SORCS1: variants seen among roughly 807,000 people sequenced by gnomAD.
SORCS1 encodes VPS10 domain-containing receptor SorCS1.
SORCS1 carries 60 observed loss-of-function variants against 146.1 expected under a neutral mutation model. That is an observed-to-expected ratio of 0.41 (90% CI 0.33 to 0.51). The LOEUF (loss-of-function observed/expected upper bound fraction) is 0.51. Among genes scored for constraint, SORCS1 ranks in the 20% least tolerant of loss-of-function variants. The probability of loss-of-function intolerance (pLI) is 0.21; values close to 1 mark genes in which losing one functional copy is unlikely to be tolerated. For synonymous variants in SORCS1, 637 were observed against 584.0 expected (o/e 1.09, Z -1.31); for missense variants, 1,352 against 1,487.6 (o/e 0.91, Z 1.50).
intron 1 of SORCS1, among the ~76,000 whole-genome samples, chr10:107,012,630 G>A (rs931458911): frequency 4.6e-5 from 7 of 152,116 alleles, no homozygotes; most frequent in African/African-American, 1.7e-4. Context: ...CATAGAACTA[G>A]CTCATGGAAC....
At chr10:106,634,660 G>A (rs1294936508) in intron 18 of SORCS1, among the ~76,000 whole-genome samples, 1 of 152,064 alleles carries the variant, frequency 6.6e-6, no homozygotes, top group Non-Finnish European at 1.5e-5. Context: ...TGTATTCCTG[G>A]CTTTGACTCT....
chr10:107,081,711 A>G (rs1199680717), intron 1 of SORCS1, among the ~76,000 whole-genome samples: 1 of 152,248 alleles, frequency 6.6e-6, no homozygotes, highest in African/African-American at 2.4e-5. Flanking sequence ...CATGATCAGA[A>G]GAAAAAAGAA....
intron 1 of SORCS1, among the ~76,000 whole-genome samples, chr10:107,134,278 A>T (rs1967090273): frequency 6.6e-6 from 1 of 152,310 alleles, no homozygotes; most frequent in South Asian, 2.1e-4. Context: ...TTTAAACTTT[A>T]CGCTTTTAAC....
chr10:106,779,022 T>G (rs952410421), intron 3 of SORCS1, among the ~76,000 whole-genome samples: 1 of 152,174 alleles, frequency 6.6e-6, no homozygotes, highest in African/African-American at 2.4e-5. Context: ...CTGTATCAGG[T>G]AATATTGGGT....
intron 1 of SORCS1, among the ~76,000 whole-genome samples, chr10:107,053,600 G>A (rs562254523): frequency 6.6e-6 from 1 of 152,178 alleles, no homozygotes; most frequent in African/African-American, 2.4e-5. Context: ...TACAATATTT[G>A]AAACTCACAT....
chr10:107,138,392 A>T (rs1489251753), intron 1 of SORCS1, among the ~76,000 whole-genome samples: 2 of 152,186 alleles, frequency 1.3e-5, no homozygotes, highest in Non-Finnish European at 2.9e-5. Context: ...CTGTCCAAAG[A>T]GAATGTGTTT....
At chr10:106,629,122 T>C (rs1848278089) in intron 19 of SORCS1, 80 bp downstream of exon 19, 2 of 1,285,804 alleles carry the variant, frequency 1.6e-6, no homozygotes, top group Admixed American at 2.1e-5. Context: ...GTACTTCTTC[T>C]AGATATAAAA....
At chr10:106,682,626 C>T (rs1461712616) in intron 10 of SORCS1, among the ~76,000 whole-genome samples, 1 of 152,200 alleles carries the variant, frequency 6.6e-6, no homozygotes, top group Non-Finnish European at 1.5e-5. Flanking sequence ...GGACACAGGA[C>T]AAAGCTCTCC....
At chr10:107,137,569 A>G (rs957374329) in intron 1 of SORCS1, among the ~76,000 whole-genome samples, 1 of 152,222 alleles carries the variant, frequency 6.6e-6, no homozygotes, top group African/African-American at 2.4e-5. Flanking sequence ...AGTATGCACC[A>G]TTGGGAGCAT....
intron 1 of SORCS1, among the ~76,000 whole-genome samples, chr10:107,150,249 C>T (rs1419564321): frequency 6.6e-6 from 1 of 152,204 alleles, no homozygotes; most frequent in Non-Finnish European, 1.5e-5. Context: ...TAAAGAAACG[C>T]ATGCCCATGC....
rs1324512554 is a variant in SORCS1 at position 107,161,367 on chromosome 10, T to A, written c.558+2602A>T. On this transcript the variant is annotated intron_variant, in intron 1 of 25. Transcript: ENST00000263054. ...GGGGGCAGATTTATAGGGGAGGACA[T>A]CTAAATGTGAAAAGATAAGAGTCCC... Among the ~76,000 whole-genome samples, 3 of 152,196 alleles carry A rather than the reference T, an allele frequency of 2.0e-5. No individual in the cohort carries two copies. The Middle Eastern group carries it at 0.01, about 518-fold the overall frequency.
chr10:106,889,300 G>A (rs1355626150), intron 2 of SORCS1, among the ~76,000 whole-genome samples: 1 of 151,994 alleles, frequency 6.6e-6, no homozygotes, highest in African/African-American at 2.4e-5. Flanking sequence ...CAGCACCAAG[G>A]AACCAAGAAA....
At chr10:107,100,453 G>A (rs879653473) in intron 1 of SORCS1, among the ~76,000 whole-genome samples, 11 of 151,886 alleles carry the variant, frequency 7.2e-5, no homozygotes, top group Non-Finnish European at 1.3e-4. Flanking sequence ...GGCAGAGCTT[G>A]CAGTGAGCCA....
chr10:106,725,995 T>C (rs1225373125), intron 6 of SORCS1, among the ~76,000 whole-genome samples: 1 of 151,478 alleles, frequency 6.6e-6, no homozygotes, highest in East Asian at 1.9e-4. Context: ...AAATTCGTAG[T>C]GCAGCTGATG....
chr10:107,168,291 T>C (rs1970095683), upstream of SORCS1, among the ~76,000 whole-genome samples: 1 of 152,212 alleles, frequency 6.6e-6, no homozygotes, highest in African/African-American at 2.4e-5. Context: ...GAGAGACTTT[T>C]CCTGAACCTC....
chr10:106,917,774 C>G (rs1408452010), intron 2 of SORCS1, among the ~76,000 whole-genome samples: 1 of 152,206 alleles, frequency 6.6e-6, no homozygotes, highest in Admixed American at 6.5e-5. Context: ...TTGGCAATCT[C>G]TGGGTTCTAA....
intron 3 of SORCS1, among the ~76,000 whole-genome samples, chr10:106,803,170 A>G (rs919156636): frequency 6.6e-6 from 1 of 152,210 alleles, no homozygotes; most frequent in Non-Finnish European, 1.5e-5. Flanking sequence ...AACCAAAATC[A>G]GCCAGCTTGC....
intron 5 of SORCS1, among the ~76,000 whole-genome samples, chr10:106,732,236 T>C (rs1167356356): frequency 6.6e-6 from 1 of 152,236 alleles, no homozygotes; most frequent in Non-Finnish European, 1.5e-5. Context: ...AATAAGGGTC[T>C]CATAATTTCC....
chr10:107,094,926 G>A lies in SORCS1; in HGVS notation c.558+69043C>T, dbSNP rs78961941. ...GCGTCATAGACAGGTTTGATGATCTGTCGGCAAGAGAAACTCATTGCCTGA... is the reference window on the plus strand; with the variant it reads ...GCGTCATAGACAGGTTTGATGATCTATCGGCAAGAGAAACTCATTGCCTGA... On this transcript the variant is annotated intron_variant, in intron 1 of 25. Coordinates refer to ENST00000263054, the MANE Select transcript of SORCS1 (RefSeq NM_052918.5). Among the ~76,000 whole-genome samples the A allele has an allele frequency of 5.7e-3, 868 of 152,304 alleles. 8 individuals are homozygous for A. The highest frequency in any genetic ancestry group is 0.02 in the African/African-American group (823 of 41,562).
Sources: gnomAD v4.1 joint callset for allele counts (sites outside exome capture counted in the v4.1 genomes callset) on GRCh38, gnomAD v4.1.1 for gene constraint, MANE v1.5 for transcripts, NCBI Gene and HGNC (gene_info 2026-07-23, HGNC 2026-07-21) for gene names.